The following RANBP2 variants were observed in gnomAD, a reference collection of about 807,000 sequenced individuals.
RANBP2 encodes the protein E3 SUMO-protein ligase RanBP2.
A neutral mutation model predicts 303.6 loss-of-function variants in RANBP2; 57 were observed. The observed-to-expected ratio is 0.19, with a 90% confidence interval of 0.15 to 0.23. The LOEUF (loss-of-function observed/expected upper bound fraction) is 0.23, where lower values mean the gene tolerates loss of function less well. Ranked by LOEUF, RANBP2 falls within the 10% of genes least tolerant of loss-of-function variation. The pLI is 1.00. For missense variants in RANBP2, 3,138 were observed against 3,780.8 expected, an observed-to-expected ratio of 0.83 and a Z score of 4.46; for synonymous variants, 1,167 against 1,301.5, an observed-to-expected ratio of 0.90 and a Z score of 2.23.
At chr2:109,644,373 A>G in the RANBP2 span, among the ~76,000 whole-genome samples, 25 of 152,050 alleles carry the variant, frequency 1.6e-4, no homozygotes, top group South Asian at 2.1e-4. Flanking sequence ...CACTATTGCA[A>G]TTTCCCTGTG....
chr2:109,003,607 C>T, the RANBP2 span, among the ~76,000 whole-genome samples: 1 of 151,976 alleles, frequency 6.6e-6, no homozygotes, highest in Non-Finnish European at 1.5e-5. Flanking sequence ...GATGGGGTTT[C>T]ATAATGTTGC....
At chr2:109,309,353 G>A in the RANBP2 span, among the ~76,000 whole-genome samples, 115 of 150,060 alleles carry the variant, frequency 7.7e-4, no homozygotes, top group Middle Eastern at 3.4e-3. Flanking sequence ...TGAAGGAAGC[G>A]CTAAACATGG....
the RANBP2 span, among the ~76,000 whole-genome samples, chr2:109,592,685 C>T: frequency 6.7e-6 from 1 of 149,554 alleles, no homozygotes; most frequent in Non-Finnish European, 1.5e-5. Flanking sequence ...GAGGCTGAGA[C>T]AAGAGAATCG....
the RANBP2 span, among the ~76,000 whole-genome samples, chr2:108,838,264 A>G: frequency 6.6e-6 from 1 of 152,198 alleles, no homozygotes; most frequent in African/African-American, 2.4e-5. Context: ...AGGGAGGGGC[A>G]ATCTCTCCCC....
chr2:108,733,868 A>G (rs1002840746), intron 4 of RANBP2, among the ~76,000 whole-genome samples: 2 of 151,490 alleles, frequency 1.3e-5, no homozygotes, highest in African/African-American at 4.9e-5. Context: ...TTGGAATTGA[A>G]ATCCATGAGA....
intron 1 of RANBP2, among the ~76,000 whole-genome samples, chr2:108,727,944 A>G (rs1478181816): frequency 2.0e-5 from 3 of 152,104 alleles, no homozygotes; most frequent in Non-Finnish European, 4.4e-5. Flanking sequence ...TTATGTAACC[A>G]AGGAGCCAGG....
chr2:109,354,882 A>C, the RANBP2 span, among the ~76,000 whole-genome samples: 41 of 152,390 alleles, frequency 2.7e-4, no homozygotes, highest in African/African-American at 9.1e-4. Context: ...AGGTCCTACC[A>C]TGTCACCTGA....
At chr2:109,463,442 G>A in the RANBP2 span, among the ~76,000 whole-genome samples, 24 of 152,310 alleles carry the variant, frequency 1.6e-4, no homozygotes, top group African/African-American at 4.8e-4. Context: ...CCACTGTAAG[G>A]TCCGGCCTGT....
chr2:108,804,714 T>G, the RANBP2 span: 1 of 177,304 alleles, frequency 5.6e-6, no homozygotes, highest in Non-Finnish European at 1.1e-5. Flanking sequence ...GTTATCTTGG[T>G]AGATTGCATG....
At chr2:109,151,324 G>T in the RANBP2 span, among the ~76,000 whole-genome samples, 4 of 152,112 alleles carry the variant, frequency 2.6e-5, no homozygotes, top group Non-Finnish European at 5.9e-5. Flanking sequence ...CTGGAAATCT[G>T]TGCCTACACG....
At chr2:108,946,139 C>T in the RANBP2 span, among the ~76,000 whole-genome samples, 1 of 152,168 alleles carries the variant, frequency 6.6e-6, no homozygotes, top group Admixed American at 6.5e-5. Context: ...TCGTCCACAC[C>T]CTGTGAGATG....
At chr2:109,407,734 G>A in the RANBP2 span, among the ~76,000 whole-genome samples, 1 of 117,344 alleles carries the variant, frequency 8.5e-6, no homozygotes, top group East Asian at 2.3e-4. Flanking sequence ...TACCAAGTGA[G>A]CCTGGGATGA....
chr2:108,742,081 T>C (rs1049068596), intron 7 of RANBP2, among the ~76,000 whole-genome samples: 53 of 151,664 alleles, frequency 3.5e-4, no homozygotes, highest in Middle Eastern at 3.4e-3. Context: ...CTGCAACCTC[T>C]GCCTTCCCGG....
chr2:108,826,640 C>T, the RANBP2 span, among the ~76,000 whole-genome samples: 4 of 152,090 alleles, frequency 2.6e-5, no homozygotes, highest in Non-Finnish European at 4.4e-5. Context: ...GTGTCACACT[C>T]GATTCATTAC....
chr2:109,251,577 G>T, the RANBP2 span: 54 of 869,458 alleles, frequency 6.2e-5, no homozygotes, highest in Middle Eastern at 3.4e-4. Context: ...CGACTGGTGG[G>T]CAACAGAACA....
the RANBP2 span, among the ~76,000 whole-genome samples, chr2:109,434,567 C>T: frequency 6.6e-6 from 1 of 152,230 alleles, no homozygotes; most frequent in Admixed American, 6.5e-5. Context: ...GCCTTCCACC[C>T]TCTTCCTGCT....
At chr2:109,343,400 A>C in the RANBP2 span, among the ~76,000 whole-genome samples, 1 of 151,078 alleles carries the variant, frequency 6.6e-6, no homozygotes, top group African/African-American at 2.4e-5. Context: ...TGTGTCCTGC[A>C]TCTTAAAAAG....
chr2:109,456,688 C>T, the RANBP2 span, among the ~76,000 whole-genome samples: 15 of 152,288 alleles, frequency 9.8e-5, no homozygotes, highest in Non-Finnish European at 1.6e-4. Flanking sequence ...TGGATCTCAG[C>T]GTGGTTGTGA....
the RANBP2 span, among the ~76,000 whole-genome samples, chr2:109,210,261 C>T: frequency 1.2e-3 from 186 of 152,314 alleles, 1 homozygote; most frequent in African/African-American, 4.1e-3. Context: ...TGTCACTATG[C>T]GTGTAGGTGT....
Sources: allele counts gnomAD v4.1 joint callset (sites outside exome capture counted in the v4.1 genomes callset), GRCh38; gene constraint gnomAD v4.1.1; transcripts MANE v1.5; gene names NCBI Gene and HGNC (gene_info 2026-07-23, HGNC 2026-07-21).